ALK: variants seen among roughly 807,000 people sequenced by gnomAD.
ALK encodes ALK tyrosine kinase receptor.
A neutral mutation model predicts 163.1 loss-of-function variants in ALK; 74 were observed. The observed-to-expected ratio is 0.45, with a 90% CI of 0.38 to 0.55. The LOEUF (loss-of-function observed/expected upper bound fraction) is 0.55, where lower values mean the gene tolerates loss of function less well. Among genes scored for constraint, ALK ranks in the 20% least tolerant of loss-of-function variants. ALK has a pLI of 0.00. For synonymous variants in ALK, 960 were observed against 843.2 expected (o/e 1.14, Z -2.40); for missense variants, 2,063 against 2,105.3 (o/e 0.98, Z 0.39).
chr2:29,518,715 C>T (rs1558363351), intron 4 of ALK, among the ~76,000 whole-genome samples: 2 of 152,180 alleles, frequency 1.3e-5, no homozygotes, highest in Admixed American at 6.5e-5. Context: ...ACTAAAATCA[C>T]TTAGCCTGGG....
intron 5 of ALK, among the ~76,000 whole-genome samples, chr2:29,343,009 A>C (rs1667841468): frequency 6.8e-6 from 1 of 147,274 alleles, no homozygotes; most frequent in South Asian, 2.2e-4. Flanking sequence ...CAGCCTCCCG[A>C]GTAGCTGGAA....
intron 22 of ALK, chr2:29,221,057 A>T (rs1390716256): frequency 1.5e-6 from 1 of 665,660 alleles, no homozygotes; most frequent in Non-Finnish European, 2.8e-6. Flanking sequence ...TTCCATTTGC[A>T]GGAGAGTGGC....
At chr2:29,296,754 C>G (rs181301566) in intron 9 of ALK, 134 bp downstream of exon 9, 1 of 1,005,744 alleles carries the variant, frequency 9.9e-7, no homozygotes, top group Non-Finnish European at 1.5e-6. Context: ...CGTGCGTGCA[C>G]GCGCACATAT....
chr2:29,815,923 A>C (rs1664886065), intron 1 of ALK, among the ~76,000 whole-genome samples: 1 of 152,238 alleles, frequency 6.6e-6, no homozygotes, highest in Non-Finnish European at 1.5e-5. Context: ...GAAAGGAGGC[A>C]AATAGCTTTA....
intron 2 of ALK, among the ~76,000 whole-genome samples, chr2:29,716,329 T>A (rs1679252828): frequency 6.6e-6 from 1 of 152,216 alleles, no homozygotes; most frequent in Non-Finnish European, 1.5e-5. Context: ...GAAAGACTAA[T>A]AAGGCTTTAT....
chr2:29,489,347 C>T (rs1425873834), intron 4 of ALK, among the ~76,000 whole-genome samples: 1 of 152,070 alleles, frequency 6.6e-6, no homozygotes, highest in Non-Finnish European at 1.5e-5. Flanking sequence ...GCTCTGTTGC[C>T]CAGGCTGGAG....
intron 4 of ALK, among the ~76,000 whole-genome samples, chr2:29,507,926 T>G (rs144062294): frequency 2.0e-4 from 31 of 152,322 alleles, no homozygotes; most frequent in Middle Eastern, 3.4e-3. Context: ...AGTCAGAGAA[T>G]GCACTGATTG....
chr2:29,443,434 G>A (rs930231638), intron 4 of ALK, among the ~76,000 whole-genome samples: 2 of 152,188 alleles, frequency 1.3e-5, no homozygotes, highest in African/African-American at 2.4e-5. Flanking sequence ...TGCCCCGTAT[G>A]TAAGGCCAAA....
chr2:29,586,673 A>G (rs1674897563), intron 3 of ALK, among the ~76,000 whole-genome samples: 1 of 152,352 alleles, frequency 6.6e-6, no homozygotes, highest in Admixed American at 6.5e-5. Context: ...CTCTAGAGAA[A>G]GTAAAGTAGG....
chr2:29,695,565 A>C (rs1227496101), intron 2 of ALK, among the ~76,000 whole-genome samples: 1 of 152,220 alleles, frequency 6.6e-6, no homozygotes, highest in Admixed American at 6.5e-5. Flanking sequence ...GATGGGTCAG[A>C]GTGAACAGGC....
intron 3 of ALK, among the ~76,000 whole-genome samples, chr2:29,533,648 C>T (rs1176113373): frequency 2.0e-5 from 3 of 152,192 alleles, no homozygotes; most frequent in African/African-American, 7.2e-5. Context: ...TCGGTCCCTT[C>T]CTTACTCCTT....
rs183901734 is a variant in ALK, at chr2:29,215,670, A to G, written c.3646-1589T>C. Among the ~76,000 whole-genome samples, 930 of 140,908 alleles carry G rather than the reference A, an allele frequency of 6.6e-3. 5 individuals are homozygous for G. The highest frequency in any genetic ancestry group is 0.011 in the Non-Finnish European group (693 of 64,770). The allele number at this position is 140,908 out of a possible 152,430, so 92.4% of individuals were successfully genotyped here. On this transcript the variant is annotated intron_variant, in intron 23 of 28. Coordinates refer to ENST00000389048, the MANE Select transcript of ALK (RefSeq NM_004304.5). Reference sequence around the variant, plus strand: ...CTTCCCTGGGATCCAAGGAGTTAAAATGGAAGAGAGAGTGCCTGAAGGGGG... The same window carrying G: ...CTTCCCTGGGATCCAAGGAGTTAAAGTGGAAGAGAGAGTGCCTGAAGGGGG...
intron 4 of ALK, among the ~76,000 whole-genome samples, chr2:29,419,701 A>G (rs1471702577): frequency 6.6e-6 from 1 of 151,578 alleles, no homozygotes; most frequent in Non-Finnish European, 1.5e-5. Flanking sequence ...TATCATCGGG[A>G]AAGTTATATA....
rs745499366 is a variant in ALK, at chr2:29,239,778, G to C, written c.2257C>G (p.Arg753Gly). Reference protein sequence around the residue: ...GGKGGKNTMMRSHGVSVLGIF... With the variant: ...GGKGGKNTMMGSHGVSVLGIF... ...CCCAGCACAGACACGCCGTGGGACC[G>C]CATCATGGTGTTCTTCCCGCCTTTC... The change falls in exon 13 of 29, where the codon CGG (arginine) becomes GGG (glycine). Residue 753 changes from arginine to glycine, a missense_variant. Physicochemically the swap from Arg to Gly is moderately radical, Grantham distance 125. Around this residue, in one of 5 missense-constraint regions of ALK, gnomAD observed 575 missense variants for 626.6 expected, o/e 0.92. Coordinates refer to ENST00000389048, the MANE Select transcript of ALK (RefSeq NM_004304.5). 6.2e-7 allele frequency: 1 copy of C among 1,613,906 alleles called. No homozygotes were observed. Among genetic ancestry groups the C allele is most frequent in the South Asian group, 1.1e-5 (1 of 91,082 alleles).
chr2:29,803,557 A>C (rs1230105575), intron 1 of ALK, among the ~76,000 whole-genome samples: 1 of 152,238 alleles, frequency 6.6e-6, no homozygotes, highest in South Asian at 2.1e-4. Context: ...TTGGGCTGTC[A>C]GGGTGCTGGT....
At chr2:29,630,401 AAGCCT>A (rs1676332490) in intron 3 of ALK, among the ~76,000 whole-genome samples, 2 of 152,144 alleles carry the variant, frequency 1.3e-5, no homozygotes, top group Admixed American at 1.3e-4. Context: ...AGGTGATATT[AAGCCT>A]AATTACAGGG....
At position 29,197,543 on chromosome 2, in the gene ALK, C is replaced by T. The variant is rs774271469; in HGVS notation, c.4072G>A (p.Val1358Ile). The T allele has an allele frequency of 1.2e-5, 19 of 1,613,492 alleles. No individual in the cohort carries two copies. Among genetic ancestry groups the T allele is most frequent in the Middle Eastern group, 1.8e-4 (1 of 5,480 alleles). The stretch of plus-strand genomic sequence containing the variant: ...GAAGTGTTCCTAAAAGAGTCATACA[C>T]AGGCCCAGGGCAGTTCTTGGGTGGG... The part of the protein sequence containing the change: ...MDPPKNCPGP[V>I]YRIMTQCWQH... Residue 1358 changes from valine (V) to isoleucine (I), a missense_variant and splice_region_variant, in exon 27 of 29, where the codon GTA becomes ATA. Val to Ile is a conservative substitution (Grantham distance 29). This residue lies in a region of ALK where 403 missense variants were observed against 366.2 expected (regional missense o/e 1.10). Transcript: ENST00000389048.
At chr2:29,228,296 GC>G (rs1450285872) in intron 16 of ALK, among the ~76,000 whole-genome samples, 1 of 152,254 alleles carries the variant, frequency 6.6e-6, no homozygotes, top group East Asian at 1.9e-4. Flanking sequence ...TCTGTGGGGA[GC>G]GGGGAGCCAT....
intron 23 of ALK, among the ~76,000 whole-genome samples, chr2:29,215,852 C>G (rs1381823574): frequency 6.6e-6 from 1 of 152,336 alleles, no homozygotes; most frequent in Admixed American, 6.5e-5. Flanking sequence ...GCTGGCTGCT[C>G]AGCCTCTCAG....
Sources: allele counts gnomAD v4.1 joint callset (sites outside exome capture counted in the v4.1 genomes callset), GRCh38; gene constraint gnomAD v4.1.1; regional missense constraint gnomAD v4.1.1; transcripts MANE v1.5; gene names NCBI Gene and HGNC (gene_info 2026-07-23, HGNC 2026-07-21).